CDYL2: variants seen among roughly 807,000 people sequenced by gnomAD.
The protein encoded by CDYL2 is chromodomain Y-like protein 2.
A neutral mutation model predicts 49.4 loss-of-function variants in CDYL2; 23 were observed. The observed-to-expected ratio is 0.47, with a 90% CI of 0.34 to 0.66. The LOEUF is 0.66. CDYL2 is among the 30% of genes least tolerant of loss of function. The pLI is 0.01. For missense variants in CDYL2, 678 were observed against 656.4 expected (o/e 1.03, Z -0.36); for synonymous variants, 360 against 268.8 (o/e 1.34, Z -3.32).
At chr16:80,781,254 C>A (rs1291191925) in intron 1 of CDYL2, among the ~76,000 whole-genome samples, 1 of 152,196 alleles carries the variant, frequency 6.6e-6, no homozygotes, top group East Asian at 1.9e-4. Context: ...GAAGTTCTAA[C>A]TGACTTCAAG....
At chr16:80,765,057 C>CAAA (rs933163217) in intron 1 of CDYL2, among the ~76,000 whole-genome samples, 2 of 47,788 alleles carry the variant, frequency 4.2e-5, no homozygotes, top group Non-Finnish European at 8.8e-5. Flanking sequence ...GATTCCGTCT[C>CAAA]AAAAAAAAAA....
intron 1 of CDYL2, among the ~76,000 whole-genome samples, chr16:80,778,128 A>C (rs1907150477): frequency 6.6e-6 from 1 of 152,060 alleles, no homozygotes; most frequent in Admixed American, 6.5e-5. Context: ...TTTGTCAAGA[A>C]GAAAAAACAG....
chr16:80,741,209 T>C (rs1358015975), intron 1 of CDYL2, among the ~76,000 whole-genome samples: 1 of 150,766 alleles, frequency 6.6e-6, no homozygotes, highest in East Asian at 1.9e-4. Flanking sequence ...AAGAATTTTA[T>C]ATATAATAAA....
chr16:80,777,854 T>C (rs372325783), intron 1 of CDYL2, among the ~76,000 whole-genome samples: 2 of 152,084 alleles, frequency 1.3e-5, no homozygotes, highest in South Asian at 2.1e-4. Flanking sequence ...CCAGCATTAA[T>C]TTGACATTAA....
intron 3 of CDYL2, among the ~76,000 whole-genome samples, chr16:80,629,196 C>A (rs1254754644): frequency 6.6e-6 from 1 of 152,060 alleles, no homozygotes; most frequent in East Asian, 1.9e-4. Flanking sequence ...GTTGACTTGG[C>A]CACAGCTGCA....
intron 2 of CDYL2, among the ~76,000 whole-genome samples, chr16:80,645,538 T>C (rs192463004): frequency 1.3e-5 from 2 of 152,240 alleles, no homozygotes; most frequent in African/African-American, 4.8e-5. Context: ...CTGTTGGTGG[T>C]ACTGTAAACT....
intron 1 of CDYL2, among the ~76,000 whole-genome samples, chr16:80,783,327 C>G (rs1428799422): frequency 1.3e-5 from 2 of 152,172 alleles, no homozygotes; most frequent in Admixed American, 6.5e-5. Flanking sequence ...TACCATTTCA[C>G]AACTACTAGG....
intron 1 of CDYL2, among the ~76,000 whole-genome samples, chr16:80,752,328 T>G (rs1209381245): frequency 1.3e-5 from 2 of 152,040 alleles, no homozygotes; most frequent in African/African-American, 4.8e-5. Context: ...ACTGGTGTCC[T>G]AGAAGAGGAA....
intron 2 of CDYL2, among the ~76,000 whole-genome samples, chr16:80,651,470 GGAGAC>G (rs2142420123): frequency 6.6e-6 from 1 of 152,154 alleles, no homozygotes; most frequent in East Asian, 1.9e-4. Context: ...GTGAGGCATA[GGAGAC>G]TTTTTAGGGC....
chr16:80,778,369 T>C (rs1907158968), intron 1 of CDYL2, among the ~76,000 whole-genome samples: 1 of 151,194 alleles, frequency 6.6e-6, no homozygotes, highest in African/African-American at 2.4e-5. Flanking sequence ...ATGATATAAT[T>C]TAAGCATGAT....
At chr16:80,614,524 A>T (rs1038029477) in intron 4 of CDYL2, among the ~76,000 whole-genome samples, 21 of 152,334 alleles carry the variant, frequency 1.4e-4, no homozygotes, top group African/African-American at 5.0e-4. Context: ...TGAGAAGTAC[A>T]TTACTATATA....
intron 1 of CDYL2, among the ~76,000 whole-genome samples, chr16:80,692,374 T>C (rs1910451182): frequency 6.6e-6 from 1 of 152,148 alleles, no homozygotes; most frequent in Non-Finnish European, 1.5e-5. Flanking sequence ...AACTCAAGAA[T>C]TCTATTCTAT....
rs143187709 is a variant in CDYL2, at chr16:80,761,917, G to A, written c.24+42233C>T. ...AAAAAAACAAAGACTGGCCAGGCAC[G>A]GTGGTGCACAAAAATCCCAGCATTT... On this transcript the variant is annotated intron_variant, in intron 1 of 6. Transcript: ENST00000570137. Among the ~76,000 whole-genome samples, 24 of 148,848 alleles carry A rather than the reference G, an allele frequency of 1.6e-4. 1 individual carries two copies. Among genetic ancestry groups the A allele is most frequent in the African/African-American group, 4.9e-4 (20 of 40,586 alleles).
intron 1 of CDYL2, among the ~76,000 whole-genome samples, chr16:80,746,836 A>T (rs903018879): frequency 3.3e-5 from 5 of 151,790 alleles, no homozygotes; most frequent in African/African-American, 1.2e-4. Flanking sequence ...AGCTTGCTTA[A>T]AAAACTGAGC....
chr16:80,632,657 T>C (rs1567548479), intron 3 of CDYL2: 4 of 268,382 alleles, frequency 1.5e-5, no homozygotes, highest in Admixed American at 4.6e-5. Context: ...GAGTGAATTA[T>C]ATCTGCGGCC....
intron 1 of CDYL2, among the ~76,000 whole-genome samples, chr16:80,700,460 A>C (rs1904294720): frequency 1.3e-5 from 2 of 152,232 alleles, no homozygotes; most frequent in African/African-American, 4.8e-5. Flanking sequence ...TATGTAAGGA[A>C]CTTCAAAGTC....
chr16:80,660,540 C>T (rs1015849638), intron 2 of CDYL2, among the ~76,000 whole-genome samples: 3 of 151,868 alleles, frequency 2.0e-5, no homozygotes, highest in South Asian at 2.1e-4. Flanking sequence ...ATTAAAAGGT[C>T]AGAAAATAGG....
intron 2 of CDYL2, among the ~76,000 whole-genome samples, chr16:80,672,543 A>T (rs550439828): frequency 1.0e-5 from 1 of 98,882 alleles, no homozygotes; most frequent in Non-Finnish European, 2.1e-5. Flanking sequence ...GGAAAAGGAA[A>T]GGAAAGGAAA....
Position 80,722,262 on chromosome 16 carries a change from G to C in CDYL2, c.25-37133C>G, listed in dbSNP as rs548334695. Reference sequence around the variant, plus strand: ...TGAAAAAACCAATGTCCACCCCCCAGATTACTGATGTTATTGATCTGGAGC... The same window carrying C: ...TGAAAAAACCAATGTCCACCCCCCACATTACTGATGTTATTGATCTGGAGC... On this transcript the variant is annotated intron_variant, in intron 1 of 6. Transcript: ENST00000570137. 7.2e-5 allele frequency among the ~76,000 whole-genome samples: 11 copies of C among 152,306 alleles called. No homozygotes were observed. The East Asian group carries it at 2.1e-3, about 29-fold the overall frequency.
Sources: gnomAD v4.1 joint callset for allele counts (sites outside exome capture counted in the v4.1 genomes callset) on GRCh38, gnomAD v4.1.1 for gene constraint, MANE v1.5 for transcripts, NCBI Gene and HGNC (gene_info 2026-07-23, HGNC 2026-07-21) for gene names.